Variants in NELL2 observed in about 807,000 individuals in gnomAD.
NELL2 encodes the protein neural EGFL like 2, also known as protein kinase C-binding protein NELL2.
A neutral mutation model predicts 109.6 loss-of-function variants in NELL2; 41 were observed. That is an observed-to-expected ratio of 0.37 (90% CI 0.29 to 0.49). The LOEUF (loss-of-function observed/expected upper bound fraction) is 0.49. Among genes scored for constraint, NELL2 ranks in the 20% least tolerant of loss-of-function variants. NELL2 has a pLI of 0.98. For synonymous variants in NELL2, 355 were observed against 344.7 expected, an observed-to-expected ratio of 1.03 and a Z score of -0.33; for missense variants, 900 against 1,008.3, an observed-to-expected ratio of 0.89 and a Z score of 1.45.
intron 13 of NELL2, among the ~76,000 whole-genome samples, chr12:44,644,510 A>G (rs1200754009): frequency 6.7e-6 from 1 of 149,526 alleles, no homozygotes; most frequent in Non-Finnish European, 1.5e-5. Flanking sequence ...TTGGATGAAG[A>G]GCTATTTGAC....
chr12:44,653,785 CA>C (rs1947388030), intron 13 of NELL2, among the ~76,000 whole-genome samples: 1 of 152,112 alleles, frequency 6.6e-6, no homozygotes, highest in Non-Finnish European at 1.5e-5. Flanking sequence ...TAACATACAA[CA>C]AAGACAAAAT....
chr12:44,839,602 A>C (rs1422702228), intron 2 of NELL2, among the ~76,000 whole-genome samples: 1 of 152,200 alleles, frequency 6.6e-6, no homozygotes, highest in Non-Finnish European at 1.5e-5. Context: ...ATGAAATGTG[A>C]TGTCATTATC....
chr12:44,819,381 C>T (rs569796935), intron 2 of NELL2, among the ~76,000 whole-genome samples: 3 of 152,298 alleles, frequency 2.0e-5, no homozygotes, highest in Admixed American at 1.3e-4. Flanking sequence ...AAACATCCAT[C>T]ATATTTTGAC....
intron 13 of NELL2, among the ~76,000 whole-genome samples, chr12:44,620,160 T>TA (rs1374716210): frequency 3.4e-5 from 5 of 148,230 alleles, no homozygotes; most frequent in African/African-American, 1.3e-4. Context: ...AAGATAGAAG[T>TA]AAAAAGTCAA....
At chr12:44,638,771 T>C (rs1405734280) in intron 13 of NELL2, among the ~76,000 whole-genome samples, 1 of 152,228 alleles carries the variant, frequency 6.6e-6, no homozygotes, top group South Asian at 2.1e-4. Context: ...ACAGCATCTT[T>C]GTCTTGCAGA....
chr12:44,778,427 C>T (rs979277066), intron 5 of NELL2, among the ~76,000 whole-genome samples: 1 of 152,088 alleles, frequency 6.6e-6, no homozygotes, highest in Non-Finnish European at 1.5e-5. Context: ...ACAAGGCTAT[C>T]GTGTACGGTT....
At chr12:44,918,426 A>G (rs544223796), upstream of NELL2, among the ~76,000 whole-genome samples, 46 of 151,850 alleles carry the variant, frequency 3.0e-4, 1 homozygote, top group East Asian at 8.5e-3. Context: ...GACTATTGTC[A>G]TTTATCTTAA....
intron 12 of NELL2, among the ~76,000 whole-genome samples, chr12:44,668,317 G>A (rs1052427565): frequency 2.6e-5 from 4 of 152,082 alleles, no homozygotes; most frequent in South Asian, 2.1e-4. Context: ...CAATGACAAC[G>A]ATCCTGCCCT....
chr12:44,849,131 G>T lies in NELL2; in HGVS notation c.184+26094C>A, dbSNP rs183910403. Among the ~76,000 whole-genome samples, 219 of 152,288 alleles carry T rather than the reference G, an allele frequency of 1.4e-3. 1 individual carries two copies. Among genetic ancestry groups the T allele is most frequent in the African/African-American group, 5.0e-3 (207 of 41,564 alleles). ...AAAAGGTTTTTAAAATTAGATGCAT[G>T]TAGGATTTCTTGAACAAGACACAAA... On this transcript the variant is annotated intron_variant, in intron 2 of 19. Transcript: ENST00000429094.
chr12:44,650,993 G>A (rs1326363289), intron 13 of NELL2, among the ~76,000 whole-genome samples: 3 of 152,254 alleles, frequency 2.0e-5, no homozygotes, highest in Admixed American at 6.5e-5. Context: ...TCTGTGGCCT[G>A]TTAGGAACTG....
At chr12:44,588,507 T>C (rs1293465363) in intron 15 of NELL2, among the ~76,000 whole-genome samples, 1 of 152,172 alleles carries the variant, frequency 6.6e-6, no homozygotes, top group Non-Finnish European at 1.5e-5. Context: ...CTCAGGGATC[T>C]TCCCTTGCAT....
At chr12:44,791,858 A>T (rs929648524) in intron 3 of NELL2, among the ~76,000 whole-genome samples, 2 of 152,128 alleles carry the variant, frequency 1.3e-5, no homozygotes, top group Admixed American at 6.5e-5. Context: ...GTCTGAGGTG[A>T]ACAGAGGTCC....
intron 1 of NELL2, among the ~76,000 whole-genome samples, chr12:44,898,630 C>T (rs117777181): frequency 0.011 from 1,613 of 152,224 alleles, 31 homozygotes; most frequent in East Asian, 0.048. Flanking sequence ...CAAAGGTAGA[C>T]GAATCCATGA....
At chr12:44,611,766 G>A (rs1007672723) in intron 13 of NELL2, among the ~76,000 whole-genome samples, 1 of 151,940 alleles carries the variant, frequency 6.6e-6, no homozygotes, top group Non-Finnish European at 1.5e-5. Flanking sequence ...AAGTTCACAG[G>A]AATATCAAGT....
chr12:44,740,958 T>A (rs1479806570), intron 9 of NELL2, among the ~76,000 whole-genome samples: 1 of 152,194 alleles, frequency 6.6e-6, no homozygotes, highest in Non-Finnish European at 1.5e-5. Flanking sequence ...TTATAACAGC[T>A]AACACTTATA....
intron 1 of NELL2, among the ~76,000 whole-genome samples, chr12:44,886,124 GAAGGAAGGAAGGAAGGAAGGAAGA>G (rs1246075001): frequency 4.1e-5 from 6 of 146,674 alleles, no homozygotes; most frequent in African/African-American, 1.5e-4. Flanking sequence ...AGGAAGGAAG[GAAGGAAGGAAGGAAGGAAGGAAGA>G]AAGGGAGAGA....
rs894843017 is a variant in NELL2 at position 44,667,398 on chromosome 12, T to C, written c.1319-1789A>G. 4.6e-5 allele frequency among the ~76,000 whole-genome samples: 7 copies of C among 152,216 alleles called. No individual in the cohort carries two copies. The East Asian group carries it at 7.7e-4, about 17-fold the overall frequency. ...AATAAAAACTCTGTAAAGGGACAGA[T>C]AGTAAATTTTCTAGACTTTGGAAGT... On this transcript the variant is annotated intron_variant, in intron 12 of 19. Transcript: ENST00000429094.
chr12:44,860,173 G>C (rs764116672), intron 2 of NELL2, among the ~76,000 whole-genome samples: 1 of 152,162 alleles, frequency 6.6e-6, no homozygotes, highest in African/African-American at 2.4e-5. Flanking sequence ...CATAAAGACT[G>C]AATTGACATG....
chr12:44,545,093 CT>C (rs1261202431), intron 15 of NELL2, among the ~76,000 whole-genome samples: 2 of 151,848 alleles, frequency 1.3e-5, no homozygotes, highest in Non-Finnish European at 2.9e-5. Context: ...TTGCAATGGC[CT>C]TTTGATATAT....
Sources: allele counts gnomAD v4.1 joint callset (sites outside exome capture counted in the v4.1 genomes callset), GRCh38; gene constraint gnomAD v4.1.1; transcripts MANE v1.5; gene names NCBI Gene and HGNC (gene_info 2026-07-23, HGNC 2026-07-21).